ALPL: variants seen among roughly 807,000 people sequenced by gnomAD.
ALPL encodes the protein alkaline phosphatase, biomineralization associated.
ALPL carries 42 observed loss-of-function variants against 51.3 expected under a neutral mutation model. The observed-to-expected ratio is 0.82, with a 90% CI of 0.64 to 1.06. ALPL has a LOEUF of 1.06. Ranked by LOEUF, ALPL falls within the 50% of genes least tolerant of loss-of-function variation. The pLI, the probability that ALPL is intolerant of heterozygous loss-of-function variation, is 0.00. For synonymous variants in ALPL, 279 were observed against 296.4 expected (o/e 0.94, Z 0.60); for missense variants, 589 against 709.4 (o/e 0.83, Z 1.93).
At chr1:21,563,449 G>A (rs568105582) in intron 5 of ALPL, among the ~76,000 whole-genome samples, 165 bp downstream of exon 5, 3 of 152,336 alleles carry the variant, frequency 2.0e-5, no homozygotes, top group South Asian at 2.1e-4. Flanking sequence ...TCCGTGACAG[G>A]GGAAGCTGAG....
At chr1:21,552,015 G>A (rs1209724939) in intron 1 of ALPL, among the ~76,000 whole-genome samples, 6 of 149,524 alleles carry the variant, frequency 4.0e-5, no homozygotes, top group Non-Finnish European at 5.9e-5. Context: ...GTGAGCCACC[G>A]CGCCCGGCCA....
intron 8 of ALPL, among the ~76,000 whole-genome samples, chr1:21,570,583 C>T (rs963522423): frequency 1.3e-5 from 2 of 152,330 alleles, no homozygotes; most frequent in Non-Finnish European, 2.9e-5. Context: ...GGATTAGCCT[C>T]ATTGGGCACA....
chr1:21,568,297 G>A, intron 7 of ALPL, 50 bp downstream of exon 7: 1 of 1,612,240 alleles, frequency 6.2e-7, no homozygotes, highest in Admixed American at 1.7e-5. Flanking sequence ...GTGATGGGGA[G>A]AGGCTGTGTG....
At chr1:21,571,809 G>T (rs115343437) in intron 8 of ALPL, among the ~76,000 whole-genome samples, 2,631 of 152,170 alleles carry the variant, frequency 0.017, 40 homozygotes, top group Non-Finnish European at 0.025. Flanking sequence ...GGGAAACATA[G>T]CGAGACCTCA....
intron 1 of ALPL, among the ~76,000 whole-genome samples, chr1:21,540,294 C>A (rs994674979): frequency 1.3e-5 from 2 of 151,072 alleles, no homozygotes; most frequent in South Asian, 2.1e-4. Context: ...CCCTCCCCTG[C>A]GATCTCCCTA....
In ALPL at chr1:21,561,231, C is replaced by T. The variant is rs1644481082; in HGVS notation, c.297+19C>T. On this transcript the variant is annotated intron_variant, in intron 4 of 11. Coordinates refer to ENST00000374840, the MANE Select transcript of ALPL (RefSeq NM_000478.6). The stretch of plus-strand genomic sequence containing the variant: ...CTCCAAGGTGAGCCCCATCCCCAAG[C>T]CCAGTTCAGGTCTGTATATCCAGTA... 1 of 1,580,364 alleles carries T rather than the reference C, an allele frequency of 6.3e-7. No homozygotes were observed. The highest frequency in any genetic ancestry group is 2.3e-5 in the East Asian group (1 of 43,458).
rs1643900845 is a variant in ALPL, at chr1:21,523,170, T to C, written c.-105+13653T>C. ...CAGATGTGGTGGCAGGTGCCTGTAATCCCTCAAGATTACAGGTACTCAGGA... is the reference window on the plus strand; with the variant it reads ...CAGATGTGGTGGCAGGTGCCTGTAACCCCTCAAGATTACAGGTACTCAGGA... On this transcript the variant is annotated intron_variant, in intron 1 of 11. Coordinates refer to ENST00000374840, the MANE Select transcript of ALPL (RefSeq NM_000478.6). 2.0e-5 allele frequency among the ~76,000 whole-genome samples: 3 copies of C among 152,016 alleles called. No homozygotes were observed. In the South Asian group the frequency reaches 6.2e-4, roughly 32 times the overall value.
chr1:21,515,696 CTT>C (rs2148056257), intron 1 of ALPL, among the ~76,000 whole-genome samples: 1 of 152,248 alleles, frequency 6.6e-6, no homozygotes, highest in South Asian at 2.1e-4. Flanking sequence ...GCCCCAGTGA[CTT>C]TTTGTTGGGT....
In ALPL at chr1:21,554,012, G is replaced by GCCCC; in HGVS notation, c.-67_-66insCCCC. The GCCCC allele has an allele frequency of 2.0e-6, 2 of 995,202 alleles. No individual in the cohort carries two copies. The highest frequency in any genetic ancestry group is 3.2e-6 in the Non-Finnish European group (2 of 623,794). The allele number at this position is 995,202 out of a possible 1,614,324, so 61.6% of individuals were successfully genotyped here. On this transcript the variant is annotated 5_prime_UTR_variant, in exon 2 of 12. Coordinates refer to ENST00000374840, the MANE Select transcript of ALPL (RefSeq NM_000478.6). The stretch of plus-strand genomic sequence containing the variant: ...ATCAGTTAACATCTGACCACTGCCA[G>GCCCC]CCCACCCCCTCCCACCCACGTCGAT...
intron 1 of ALPL, among the ~76,000 whole-genome samples, chr1:21,546,806 G>A (rs1209939251): frequency 6.6e-6 from 1 of 152,226 alleles, no homozygotes; most frequent in Non-Finnish European, 1.5e-5. Flanking sequence ...CCCTAGCCCA[G>A]ATGGGGCCTG....
At chr1:21,525,446 G>A (rs1483509614) in intron 1 of ALPL, among the ~76,000 whole-genome samples, 2 of 152,252 alleles carry the variant, frequency 1.3e-5, no homozygotes, top group Admixed American at 6.5e-5. Context: ...AAGCTGAGTG[G>A]AGGAAGAAAA....
chr1:21,511,928 A>G (rs530886855), intron 1 of ALPL, among the ~76,000 whole-genome samples: 1 of 152,310 alleles, frequency 6.6e-6, no homozygotes, highest in East Asian at 1.9e-4. Flanking sequence ...TAGAATTCCA[A>G]ATCTAGCAAT....
Position 21,554,037 on chromosome 1 carries a change from T to G in ALPL, c.-45T>G. The G allele has an allele frequency of 9.6e-7, 1 of 1,046,350 alleles. No individual in the cohort carries two copies. The highest frequency in any genetic ancestry group is 1.4e-6 in the Non-Finnish European group (1 of 714,240). The allele number at this position is 1,046,350 out of a possible 1,614,324, so 64.8% of individuals were successfully genotyped here. A position where few individuals can be genotyped will look rare whatever the true frequency, so the allele number is the denominator to read the frequency against. On this transcript the variant is annotated 5_prime_UTR_variant, in exon 2 of 12. Transcript: ENST00000374840. ...GCCCACCCCCTCCCACCCACGTCGA[T>G]TGCATCTCTGGGCTCCAGGGATAAA...
intron 1 of ALPL, among the ~76,000 whole-genome samples, chr1:21,514,786 T>G (rs1189727691): frequency 2.0e-5 from 3 of 152,164 alleles, no homozygotes; most frequent in African/African-American, 4.8e-5. Context: ...GAAGTGGCAT[T>G]TTGTGAGCAC....
At chr1:21,543,480 G>C (rs1644216044) in intron 1 of ALPL, among the ~76,000 whole-genome samples, 1 of 151,996 alleles carries the variant, frequency 6.6e-6, no homozygotes, top group African/African-American at 2.4e-5. Flanking sequence ...CCAGCTACTC[G>C]GGAGCCTGAG....
chr1:21,541,384 G>A (rs1644182160), intron 1 of ALPL, among the ~76,000 whole-genome samples: 1 of 152,224 alleles, frequency 6.6e-6, no homozygotes, highest in Non-Finnish European at 1.5e-5. Context: ...CCCAGCTGGT[G>A]AGGGGCAGAG....
At chr1:21,559,612 C>T (rs950357477) in intron 2 of ALPL, among the ~76,000 whole-genome samples, 3 of 152,146 alleles carry the variant, frequency 2.0e-5, no homozygotes, top group Non-Finnish European at 4.4e-5. Context: ...CTCCGCCTCC[C>T]GGGTTCAAGC....
chr1:21,530,849 T>C (rs1644019111), intron 1 of ALPL, among the ~76,000 whole-genome samples: 1 of 147,960 alleles, frequency 6.8e-6, no homozygotes, highest in Admixed American at 6.9e-5. Flanking sequence ...GGCATGAACA[T>C]GGCTCACTGG....
chr1:21,540,083 T>C (rs1211772244), intron 1 of ALPL, among the ~76,000 whole-genome samples: 1 of 152,052 alleles, frequency 6.6e-6, no homozygotes, highest in Non-Finnish European at 1.5e-5. Context: ...ACACCGCAGA[T>C]GTAGTGCGTG....
Sources: gnomAD v4.1 joint callset for allele counts (sites outside exome capture counted in the v4.1 genomes callset) on GRCh38, gnomAD v4.1.1 for gene constraint, MANE v1.5 for transcripts, NCBI Gene and HGNC (gene_info 2026-07-23, HGNC 2026-07-21) for gene names.